The following SPINK13 variants were observed in gnomAD, a reference collection of about 807,000 sequenced individuals.
SPINK13 encodes the protein serine protease inhibitor Kazal-type 13.
In SPINK13, 11 loss-of-function variants were observed where a neutral mutation model predicts 11.0. The ratio of observed to expected loss-of-function variants is 1.00; its 90% CI spans 0.63 to 1.65. The LOEUF (loss-of-function observed/expected upper bound fraction) is 1.65, where lower values mean the gene tolerates loss of function less well. SPINK13 is among the 40% of genes most tolerant of loss of function. The pLI is 0.00. For synonymous variants in SPINK13, 31 were observed against 35.6 expected (o/e 0.87, Z 0.46); for missense variants, 113 against 117.7 (o/e 0.96, Z 0.19).
At chr5:148,275,049 T>C (rs1756404800) in intron 3 of SPINK13, among the ~76,000 whole-genome samples, 1 of 152,170 alleles carries the variant, frequency 6.6e-6, no homozygotes, top group South Asian at 2.1e-4. Flanking sequence ...GCTTGCTACA[T>C]AGGTATACAT....
At chr5:148,271,859 C>T (rs1756356246) in intron 2 of SPINK13, among the ~76,000 whole-genome samples, 1 of 152,042 alleles carries the variant, frequency 6.6e-6, no homozygotes, top group East Asian at 1.9e-4. Context: ...CTCCTGACCT[C>T]GTGATCCGCC....
At chr5:148,269,455 C>A (rs1433879352) in intron 1 of SPINK13, among the ~76,000 whole-genome samples, 1 of 151,942 alleles carries the variant, frequency 6.6e-6, no homozygotes, top group Non-Finnish European at 1.5e-5. Context: ...TAAGCATGAC[C>A]AACAATTCTA....
chr5:148,276,380 T>G (rs963498891), intron 3 of SPINK13, among the ~76,000 whole-genome samples: 1 of 152,236 alleles, frequency 6.6e-6, no homozygotes, highest in Admixed American at 6.5e-5. Flanking sequence ...CCCATGCCTG[T>G]GTCCTAAATA....
intron 4 of SPINK13, among the ~76,000 whole-genome samples, chr5:148,284,094 T>C (rs923896706): frequency 6.7e-6 from 1 of 150,028 alleles, no homozygotes; most frequent in Non-Finnish European, 1.5e-5. Flanking sequence ...CAATCCCTTC[T>C]TTCCTTCCTT....
chr5:148,271,737 G>A (rs900199424), intron 2 of SPINK13, among the ~76,000 whole-genome samples: 43 of 152,166 alleles, frequency 2.8e-4, no homozygotes, highest in African/African-American at 1.0e-3. Context: ...CCGTTCTCCT[G>A]CCTCAGCCTC....
Position 148,282,241 on chromosome 5 carries a change from G to C in SPINK13, c.236+10G>C. On this transcript the variant is annotated intron_variant, in intron 4 of 4. Transcript: ENST00000398450. ...TTTGTGTTGAACAGAGGTAAGTTCAGAATAAAATGCCATTATTTTTTCCCT... is the reference window on the plus strand; with the variant it reads ...TTTGTGTTGAACAGAGGTAAGTTCACAATAAAATGCCATTATTTTTTCCCT... 1 of 1,613,294 alleles carries C rather than the reference G, an allele frequency of 6.2e-7. No homozygotes were observed. Among genetic ancestry groups the C allele is most frequent in the Non-Finnish European group, 8.5e-7 (1 of 1,179,524 alleles).
At chr5:148,284,918 C>T (rs1195730329) in intron 4 of SPINK13, among the ~76,000 whole-genome samples, 1 of 152,126 alleles carries the variant, frequency 6.6e-6, no homozygotes, top group Non-Finnish European at 1.5e-5. Flanking sequence ...ATGAAACAGT[C>T]CATACTCTTA....
chr5:148,271,430 C>CA (rs1231173829), intron 2 of SPINK13, among the ~76,000 whole-genome samples: 4 of 152,288 alleles, frequency 2.6e-5, no homozygotes, highest in Admixed American at 2.6e-4. Flanking sequence ...TGTCTATCTT[C>CA]ATCCAAGAAA....
In SPINK13 at chr5:148,282,132, A is replaced by T; in HGVS notation, c.137A>T (p.Asp46Val). 6.2e-7 allele frequency: 1 copy of T among 1,614,196 alleles called. No individual in the cohort carries two copies. The highest frequency in any genetic ancestry group is 8.5e-7 in the Non-Finnish European group (1 of 1,180,040). Residue 46 changes from aspartate to valine, a missense_variant, in exon 4 of 5, where the codon GAC becomes GTC. By Grantham distance (152) the Asp-to-Val change is radical. Transcript: ENST00000398450. ...CGATGTAAAATGTATATCCCACTGG[A>T]CCCTGATTACAATGCAGACTGCCCC... Reference protein sequence around the residue: ...KPRCKMYIPLDPDYNADCPNV... With the variant: ...KPRCKMYIPLVPDYNADCPNV...
chr5:148,282,543 A>T (rs911500655), intron 4 of SPINK13, among the ~76,000 whole-genome samples: 5 of 134,900 alleles, frequency 3.7e-5, no homozygotes, highest in African/African-American at 2.0e-4. Context: ...TAGTTATTTA[A>T]AAAAAACACT....
At chr5:148,275,033 A>G (rs1013757446) in intron 3 of SPINK13, among the ~76,000 whole-genome samples, 4 of 152,156 alleles carry the variant, frequency 2.6e-5, no homozygotes, top group African/African-American at 9.7e-5. Flanking sequence ...TGTGCAGAAC[A>G]TACAGGCTTG....
chr5:148,282,525 T>A (rs1288616250), intron 4 of SPINK13, among the ~76,000 whole-genome samples: 1 of 150,964 alleles, frequency 6.6e-6, no homozygotes, highest in African/African-American at 2.5e-5. Context: ...AAGCAATAAA[T>A]GGAAATCTAG....
Position 148,286,004 on chromosome 5 carries a change from T to C in SPINK13, c.241T>C (p.Phe81Leu), listed in dbSNP as rs776848844. 6.9e-7 allele frequency: 1 copy of C among 1,455,258 alleles called. No individual in the cohort carries two copies. 90.1% of individuals were successfully genotyped at this position (1,455,258 alleles called of 1,614,324 possible). The stretch of plus-strand genomic sequence containing the variant: ...CTTTTTTTCTCTTCTCTTTAGGGAA[T>C]TTCATTATCGTATAAAATTTGAAAA... ...ECFFCVEQREFHYRIKFEKYG... is the reference protein window; with the variant it reads ...ECFFCVEQRELHYRIKFEKYG... Residue 81 changes from phenylalanine (F) to leucine (L), a missense_variant, in exon 5 of 5, where the codon TTT becomes CTT. Phe to Leu is a conservative substitution (Grantham distance 22, BLOSUM62 0). Coordinates refer to ENST00000398450, the MANE Select transcript of SPINK13 (RefSeq NM_001040129.3).
chr5:148,286,090 T>A lies in SPINK13; in HGVS notation c.*42T>A, dbSNP rs755155865. 1.6e-6 allele frequency: 2 copies of A among 1,220,084 alleles called. No individual in the cohort carries two copies. Among genetic ancestry groups the A allele is most frequent in the Admixed American group, 2.6e-5 (1 of 38,142 alleles). The allele number at this position is 1,220,084 out of a possible 1,614,324, so 75.6% of individuals were successfully genotyped here. A position where few individuals can be genotyped will look rare whatever the true frequency, so the allele number is the denominator to read the frequency against. On this transcript the variant is annotated 3_prime_UTR_variant, in exon 5 of 5. Transcript: ENST00000398450. Reference sequence around the variant, plus strand: ...TACACTTGCTTATTCTTTTTCTACTTAATTCAGAATAGTATTTCTTTTAGA... The same window carrying A: ...TACACTTGCTTATTCTTTTTCTACTAAATTCAGAATAGTATTTCTTTTAGA...
chr5:148,273,736 A>G (rs1698194661), intron 2 of SPINK13, among the ~76,000 whole-genome samples: 1 of 152,218 alleles, frequency 6.6e-6, no homozygotes, highest in African/African-American at 2.4e-5. Flanking sequence ...ATTCTATGAT[A>G]TTTTAAATAT....
At position 148,274,387 on chromosome 5, in the gene SPINK13, A is replaced by G; in HGVS notation, c.108+3A>G. 1 of 1,610,138 alleles carries G rather than the reference A, an allele frequency of 6.2e-7. No homozygotes were observed. Among genetic ancestry groups the G allele is most frequent in the Non-Finnish European group, 8.5e-7 (1 of 1,176,678 alleles). The stretch of plus-strand genomic sequence containing the variant: ...GTGACTTCACTAGGTGGCCTAAGGT[A>G]AATTTAAATTTCTCAGTTCTAGGTT... On this transcript the variant is annotated splice_donor_region_variant and intron_variant, in intron 3 of 4. Transcript: ENST00000398450.
chr5:148,272,577 C>G (rs1318030472), intron 2 of SPINK13, among the ~76,000 whole-genome samples: 1 of 152,214 alleles, frequency 6.6e-6, no homozygotes, highest in South Asian at 2.1e-4. Flanking sequence ...TATTTCTGGA[C>G]TCTATCCTTT....
chr5:148,274,673 A>G (rs1352923987), intron 3 of SPINK13, among the ~76,000 whole-genome samples: 1 of 152,174 alleles, frequency 6.6e-6, no homozygotes, highest in Non-Finnish European at 1.5e-5. Context: ...TGAGGCCAGG[A>G]GTTGGAAACT....
intron 3 of SPINK13, among the ~76,000 whole-genome samples, chr5:148,277,635 C>T (rs1447015152): frequency 6.6e-6 from 1 of 152,174 alleles, no homozygotes; most frequent in Non-Finnish European, 1.5e-5. Flanking sequence ...CCGACTTGAT[C>T]ATGGTGGATA....
Sources: gnomAD v4.1 joint callset for allele counts (sites outside exome capture counted in the v4.1 genomes callset) on GRCh38, gnomAD v4.1.1 for gene constraint, MANE v1.5 for transcripts, NCBI Gene and HGNC (gene_info 2026-07-23, HGNC 2026-07-21) for gene names.